NUBPL: variants seen among roughly 807,000 people sequenced by gnomAD.
The protein encoded by NUBPL is NUBP iron-sulfur cluster assembly factor, mitochondrial.
In NUBPL, 31 loss-of-function variants were observed where a neutral mutation model predicts 45.7. The observed-to-expected ratio is 0.68, with a 90% CI of 0.51 to 0.92. NUBPL has a LOEUF of 0.92. NUBPL is among the 40% of genes least tolerant of loss of function. The pLI is 0.00. For missense variants in NUBPL, 401 were observed against 398.7 expected, an observed-to-expected ratio of 1.01 and a Z score of -0.05; for synonymous variants, 144 against 140.9, an observed-to-expected ratio of 1.02 and a Z score of -0.15.
At position 31,826,643 on chromosome 14, in the gene NUBPL, T is replaced by C. The variant is rs766418140; in HGVS notation, c.622T>C (p.Ser208Pro). 1 of 1,614,014 alleles carries C rather than the reference T, an allele frequency of 6.2e-7. No homozygotes were observed. Among genetic ancestry groups the C allele is most frequent in the East Asian group, 2.2e-5 (1 of 44,894 alleles). Residue 208 changes from serine (S) to proline (P), a missense_variant, in exon 8 of 11, where the codon TCC becomes CCC. Coordinates refer to ENST00000281081, the MANE Select transcript of NUBPL (RefSeq NM_025152.3). The stretch of plus-strand genomic sequence containing the variant: ...TCTTTGGCTAGGTGCTGTGATTGTC[T>C]CCACGCCCCAGGACATCGCATTGAT... ...NIPITGAVIV[S>P]TPQDIALMDA... is the part of the protein sequence containing the mutation.
intron 6 of NUBPL, among the ~76,000 whole-genome samples, chr14:31,685,964 C>T (rs896049850): frequency 1.3e-4 from 19 of 151,994 alleles, no homozygotes; most frequent in Admixed American, 1.2e-3. Context: ...TAGATTATTC[C>T]AGGTGACTCT....
rs530094095 is a variant in NUBPL, at chr14:31,721,419, G to A, written c.513+47845G>A. Among the ~76,000 whole-genome samples the A allele has an allele frequency of 9.2e-5, 14 of 152,214 alleles. No individual in the cohort carries two copies. The East Asian group carries it at 1.5e-3, about 17-fold the overall frequency. ...TATTCCATGAATGGAGAGAACAAAC[G>A]TTGAGCTGGCTTAGTATATGGCTGA... On this transcript the variant is annotated intron_variant, in intron 6 of 10. Coordinates refer to ENST00000281081, the MANE Select transcript of NUBPL (RefSeq NM_025152.3).
At chr14:31,611,971 A>G (rs1204081569) in intron 4 of NUBPL, among the ~76,000 whole-genome samples, 2 of 152,244 alleles carry the variant, frequency 1.3e-5, no homozygotes, top group Admixed American at 6.5e-5. Flanking sequence ...CTACTAAAAG[A>G]AAACATTGGG....
chr14:31,705,763 C>G (rs2037435914), intron 6 of NUBPL, among the ~76,000 whole-genome samples: 2 of 152,210 alleles, frequency 1.3e-5, no homozygotes, highest in African/African-American at 4.8e-5. Flanking sequence ...ACCCAGAAGC[C>G]CAGACGGCTT....
At chr14:31,752,381 G>T (rs1190663344) in intron 6 of NUBPL, among the ~76,000 whole-genome samples, 1 of 152,124 alleles carries the variant, frequency 6.6e-6, no homozygotes, top group Non-Finnish European at 1.5e-5. Context: ...TTGCTGCTTA[G>T]AAATTTATTC....
chr14:31,633,630 A>G (rs1178222516), intron 4 of NUBPL, among the ~76,000 whole-genome samples: 4 of 152,206 alleles, frequency 2.6e-5, no homozygotes, highest in Non-Finnish European at 5.9e-5. Context: ...CCACAAATGC[A>G]TTATAAATAA....
intron 7 of NUBPL, among the ~76,000 whole-genome samples, chr14:31,805,257 G>A (rs924093683): frequency 2.0e-5 from 3 of 151,950 alleles, no homozygotes; most frequent in Non-Finnish European, 4.4e-5. Context: ...ATACAAAGTC[G>A]AAAAATAACA....
At chr14:31,793,828 C>CTTTTTTTTTTTTTTT (rs55698198) in intron 7 of NUBPL, among the ~76,000 whole-genome samples, 9 of 127,600 alleles carry the variant, frequency 7.1e-5, no homozygotes, top group East Asian at 2.2e-4. Context: ...CCTTATCTTT[C>CTTTTTTTTTTTTTTT]TTTTTTTTTT....
chr14:31,606,704 G>A (rs2034609911), intron 4 of NUBPL, among the ~76,000 whole-genome samples: 1 of 151,564 alleles, frequency 6.6e-6, no homozygotes, highest in Non-Finnish European at 1.5e-5. Flanking sequence ...CATATTGTTG[G>A]CTCCTCTTTG....
intron 4 of NUBPL, among the ~76,000 whole-genome samples, chr14:31,627,278 A>G (rs2035228738): frequency 6.6e-6 from 1 of 152,154 alleles, no homozygotes; most frequent in Non-Finnish European, 1.5e-5. Flanking sequence ...ACCAAGAAGT[A>G]ATTAAAGTTC....
At chr14:31,710,549 A>C (rs1283713745) in intron 6 of NUBPL, among the ~76,000 whole-genome samples, 1 of 152,168 alleles carries the variant, frequency 6.6e-6, no homozygotes, top group Non-Finnish European at 1.5e-5. Flanking sequence ...CACAAGGAGG[A>C]CAGAGAAAAA....
At chr14:31,563,504 GA>G (rs1317751157) in intron 2 of NUBPL, among the ~76,000 whole-genome samples, 1 of 152,130 alleles carries the variant, frequency 6.6e-6, no homozygotes, top group African/African-American at 2.4e-5. Context: ...CATCTGTCCC[GA>G]AAAGCTGGCC....
chr14:31,571,067 T>C (rs1218376979), intron 3 of NUBPL, among the ~76,000 whole-genome samples: 1 of 152,264 alleles, frequency 6.6e-6, no homozygotes, highest in African/African-American at 2.4e-5. Flanking sequence ...ATGCTCTAGC[T>C]AATCTGGGTT....
chr14:31,809,167 G>A (rs1024913661), intron 7 of NUBPL, among the ~76,000 whole-genome samples: 1 of 152,148 alleles, frequency 6.6e-6, no homozygotes, highest in African/African-American at 2.4e-5. Flanking sequence ...TTTTTCTTCT[G>A]ATGGGAATAG....
chr14:31,674,360 A>G (rs1399249237), intron 6 of NUBPL, among the ~76,000 whole-genome samples: 8 of 152,218 alleles, frequency 5.3e-5, no homozygotes, highest in Non-Finnish European at 1.2e-4. Context: ...AATTAAGTAG[A>G]TGAAATCTGT....
chr14:31,806,621 A>C (rs2039691822), intron 7 of NUBPL, among the ~76,000 whole-genome samples: 1 of 151,886 alleles, frequency 6.6e-6, no homozygotes. Flanking sequence ...ATTTTTTTGA[A>C]GGATTTTTCT....
intron 6 of NUBPL, among the ~76,000 whole-genome samples, chr14:31,777,182 T>A (rs527549406): frequency 1.0e-3 from 155 of 152,318 alleles, no homozygotes; most frequent in Middle Eastern, 3.4e-3. Flanking sequence ...AATGGCTACA[T>A]GGCTCTATTT....
intron 4 of NUBPL, among the ~76,000 whole-genome samples, chr14:31,648,411 A>G (rs2035913107): frequency 6.6e-6 from 1 of 152,230 alleles, no homozygotes; most frequent in African/African-American, 2.4e-5. Flanking sequence ...GTCTTGATGC[A>G]CTGACTGATA....
Position 31,754,952 on chromosome 14 carries a change from G to A in NUBPL, c.514-32828G>A, listed in dbSNP as rs1169143994. On this transcript the variant is annotated intron_variant, in intron 6 of 10. Transcript: ENST00000281081. ...CTATGAGTGAGAACATGCAGTGTTC[G>A]GTTTTTTGTCCTTGCGATAGTTTAC... 5.5e-5 allele frequency among the ~76,000 whole-genome samples: 6 copies of A among 108,560 alleles called. No individual in the cohort carries two copies. In the East Asian group the frequency reaches 1.3e-3, roughly 23 times the overall value. The allele number at this position is 108,560 out of a possible 152,430, so 71.2% of individuals were successfully genotyped here.
Sources: gnomAD v4.1 joint callset for allele counts (sites outside exome capture counted in the v4.1 genomes callset) on GRCh38, gnomAD v4.1.1 for gene constraint, MANE v1.5 for transcripts, NCBI Gene and HGNC (gene_info 2026-07-23, HGNC 2026-07-21) for gene names.